Variants in ADARB1 observed in about 807,000 individuals in gnomAD.
The protein encoded by ADARB1 is adenosine deaminase RNA specific B1.
In ADARB1, 10 loss-of-function variants were observed where a neutral mutation model predicts 52.4. The observed-to-expected ratio is 0.19, with a 90% CI of 0.12 to 0.32. ADARB1 has a LOEUF of 0.32. Among genes scored for constraint, ADARB1 ranks in the 10% least tolerant of loss-of-function variants. The pLI, the probability that ADARB1 is intolerant of heterozygous loss-of-function variation, is 1.00. For synonymous variants in ADARB1, 349 were observed against 371.1 expected (o/e 0.94, Z 0.68); for missense variants, 643 against 922.3 (o/e 0.70, Z 3.92).
intron 9 of ADARB1, among the ~76,000 whole-genome samples, chr21:45,205,549 G>C (rs1045134992): frequency 3.9e-5 from 6 of 152,240 alleles, no homozygotes; most frequent in African/African-American, 1.4e-4. Context: ...GGCTCCGAGA[G>C]ATGGTGACAG....
rs772603440 is a variant in ADARB1, at chr21:45,222,227, G to A, written c.*30G>A. On this transcript the variant is annotated 3_prime_UTR_variant, in exon 11 of 11. Transcript: ENST00000348831. ...GGCAGACATGATGGGGGGTGCAGGGGGCTGTGGGCATCCAGCGTCATCCTC... is the reference window on the plus strand; with the variant it reads ...GGCAGACATGATGGGGGGTGCAGGGAGCTGTGGGCATCCAGCGTCATCCTC... The A allele has an allele frequency of 6.6e-7, 1 of 1,525,616 alleles. No homozygotes were observed. Among genetic ancestry groups the A allele is most frequent in the Non-Finnish European group, 8.8e-7 (1 of 1,141,536 alleles). 94.5% of individuals were successfully genotyped at this position (1,525,616 alleles called of 1,614,324 possible).
Position 45,176,058 on chromosome 21 carries a change from T to G in ADARB1, c.357T>G (p.Val119=), listed in dbSNP as rs146833412. ...TGTCTGTGGAGGTGAATGGCCAGGT[T>G]TTTGAGGGCTCTGGTCCCACAAAGA... is the stretch of plus-strand genomic sequence containing the variant. ...FVMSVEVNGQ[V]FEGSGPTKKK... Residue 119 remains valine, a synonymous_variant, in exon 4 of 11, where the codon GTT becomes GTG. Transcript: ENST00000348831. This position sits in a 1 kb window ranked among gnomAD's most constrained non-coding sequence, Gnocchi z 5.8. 4 of 1,614,108 alleles carry G rather than the reference T, an allele frequency of 2.5e-6. No homozygotes were observed. Among genetic ancestry groups the G allele is most frequent in the Non-Finnish European group, 3.4e-6 (4 of 1,179,996 alleles).
intron 8 of ADARB1, among the ~76,000 whole-genome samples, chr21:45,195,336 A>G (rs1050370551): frequency 1.3e-5 from 2 of 152,136 alleles, no homozygotes; most frequent in African/African-American, 4.8e-5. Context: ...GTCTTTTGCA[A>G]ATATTTTCTC....
intron 1 of ADARB1, among the ~76,000 whole-genome samples, chr21:45,112,555 G>A (rs1473467642): frequency 6.6e-6 from 1 of 151,954 alleles, no homozygotes; most frequent in Admixed American, 6.6e-5. Flanking sequence ...TTCGGCTTCT[G>A]TTCTAAATGC....
chr21:45,118,556 T>C (rs1353419261), intron 1 of ADARB1: 2 of 152,236 alleles, frequency 1.3e-5, no homozygotes, highest in Admixed American at 6.5e-5. Flanking sequence ...TTCTCTATTA[T>C]TTTCCAGAGT....
intron 2 of ADARB1, among the ~76,000 whole-genome samples, chr21:45,163,366 G>A (rs936792774): frequency 6.6e-6 from 1 of 152,218 alleles, no homozygotes; most frequent in African/African-American, 2.4e-5. Flanking sequence ...AAGCATCCAC[G>A]TTCTTCCTCA....
intron 2 of ADARB1, among the ~76,000 whole-genome samples, chr21:45,158,244 G>C (rs1021565850): frequency 6.6e-6 from 1 of 152,178 alleles, no homozygotes; most frequent in Non-Finnish European, 1.5e-5. Context: ...GGGTTGGGGC[G>C]GGAGGGGGGA....
chr21:45,155,672 C>G (rs576117532), intron 2 of ADARB1, among the ~76,000 whole-genome samples: 4 of 151,428 alleles, frequency 2.6e-5, no homozygotes, highest in African/African-American at 9.7e-5. Context: ...ATCTCTCCAT[C>G]TAGTCATCCA....
chr21:45,223,706 AG>A lies in ADARB1; in HGVS notation c.*1510del. ...GAGCCTAGGAAACCAGAGCAGGGGCAGAGGGGCGTCATCCTCCCACCGGACG... is the reference window on the plus strand; with the variant it reads ...GAGCCTAGGAAACCAGAGCAGGGGCAAGGGGCGTCATCCTCCCACCGGACG... On this transcript the variant is annotated 3_prime_UTR_variant, in exon 11 of 11. Transcript: ENST00000348831. The A allele has an allele frequency of 1.0e-6, 1 of 985,514 alleles. No individual in the cohort carries two copies. Among genetic ancestry groups the A allele is most frequent in the Non-Finnish European group, 1.2e-6 (1 of 830,032 alleles). 61.0% of individuals were successfully genotyped at this position (985,514 alleles called of 1,614,324 possible). A position where few individuals can be genotyped will look rare whatever the true frequency, so the allele number is the denominator to read the frequency against.
chr21:45,127,651 G>T (rs557002500), intron 1 of ADARB1, among the ~76,000 whole-genome samples: 2 of 152,142 alleles, frequency 1.3e-5, no homozygotes, highest in South Asian at 2.1e-4. Context: ...ACTTTCACGC[G>T]CACCTTATCC....
rs772897635 is a variant in ADARB1 at position 45,176,461 on chromosome 21, G to A, written c.760G>A (p.Glu254Lys). 4.4e-5 allele frequency: 71 copies of A among 1,614,018 alleles called. No homozygotes were observed. The highest frequency in any genetic ancestry group is 1.6e-4 in the Middle Eastern group (1 of 6,084). ...AGGACTCAAGTATGACTTCCTCTCC[G>A]AGAGCGGGGAGAGCCATGCCAAGAG... ...RPGLKYDFLS[E>K]SGESHAKSFV... Residue 254 changes from glutamate to lysine, a missense_variant, in exon 4 of 11, where the codon GAG (glutamate) becomes AAG (lysine). Physicochemically the swap from Glu to Lys is moderately conservative, Grantham distance 56. Coordinates refer to ENST00000348831, the MANE Select transcript of ADARB1 (RefSeq NM_001112.4). The surrounding 1 kb of genome is among the most constrained non-coding windows in gnomAD (Gnocchi z 5.8).
chr21:45,192,036 A>G (rs897223060), intron 8 of ADARB1, among the ~76,000 whole-genome samples: 3 of 151,518 alleles, frequency 2.0e-5, no homozygotes, highest in Admixed American at 6.6e-5. Flanking sequence ...TTTAGCCTTC[A>G]TATTATTCTA....
intron 1 of ADARB1, among the ~76,000 whole-genome samples, chr21:45,088,469 T>C (rs2086432342): frequency 6.6e-6 from 1 of 152,196 alleles, no homozygotes; most frequent in Non-Finnish European, 1.5e-5. Context: ...GTATCACTAC[T>C]GATACTTCTT....
chr21:45,145,817 T>G (rs1015859729), intron 2 of ADARB1: 2 of 152,256 alleles, frequency 1.3e-5, no homozygotes, highest in African/African-American at 4.8e-5. Context: ...CAGATGAACT[T>G]TTAATGACAG....
At position 45,220,818 on chromosome 21, in the gene ADARB1, C is replaced by G; in HGVS notation, c.1748-18C>G. On this transcript the variant is annotated intron_variant, in intron 9 of 10. Coordinates refer to ENST00000348831, the MANE Select transcript of ADARB1 (RefSeq NM_001112.4). The surrounding 1 kb of genome is among the most constrained non-coding windows in gnomAD (Gnocchi z 6.3). Reference sequence around the variant, plus strand: ...TGAAAGCGGGCTTCACACCACCTTCCTGTGTCTTCCGTTTCAGGCATCAGC... The same window carrying G: ...TGAAAGCGGGCTTCACACCACCTTCGTGTGTCTTCCGTTTCAGGCATCAGC... 1 of 1,610,488 alleles carries G rather than the reference C, an allele frequency of 6.2e-7. No homozygotes were observed. The highest frequency in any genetic ancestry group is 8.5e-7 in the Non-Finnish European group (1 of 1,177,796).
chr21:45,188,256 A>C (rs1294035610), intron 8 of ADARB1, among the ~76,000 whole-genome samples: 1 of 151,928 alleles, frequency 6.6e-6, no homozygotes, highest in Non-Finnish European at 1.5e-5. Flanking sequence ...ACAGGTGCCT[A>C]CCACCATGCC....
intron 1 of ADARB1, among the ~76,000 whole-genome samples, chr21:45,114,593 T>C (rs115361660): frequency 1.6e-4 from 25 of 152,372 alleles, no homozygotes; most frequent in African/African-American, 5.8e-4. Context: ...TTTTTATTGC[T>C]TAAGAGCTTA....
chr21:45,192,410 G>A lies in ADARB1; in HGVS notation c.1565+7319G>A, dbSNP rs548270206. On this transcript the variant is annotated intron_variant, in intron 8 of 10. Coordinates refer to ENST00000348831, the MANE Select transcript of ADARB1 (RefSeq NM_001112.4). ...TGCCACTGTACCATTAAGAGGTGAC[G>A]TCTCTGTCCCATGCCCCTGAATCTG... Among the ~76,000 whole-genome samples the A allele has an allele frequency of 7.3e-4, 111 of 152,306 alleles. 1 individual carries two copies. Among genetic ancestry groups the A allele is most frequent in the African/African-American group, 2.1e-3 (88 of 41,562 alleles).
At chr21:45,168,633 G>A (rs1174555809) in intron 2 of ADARB1, among the ~76,000 whole-genome samples, 1 of 152,174 alleles carries the variant, frequency 6.6e-6, no homozygotes, top group Non-Finnish European at 1.5e-5. Flanking sequence ...GGGGTTCTCT[G>A]TGCTATCCTC....
Sources: gnomAD v4.1 joint callset for allele counts (sites outside exome capture counted in the v4.1 genomes callset) on GRCh38, gnomAD v4.1.1 for gene constraint, Gnocchi (gnomAD v3.1) non-coding constraint, MANE v1.5 for transcripts, NCBI Gene and HGNC (gene_info 2026-07-23, HGNC 2026-07-21) for gene names.